ARIH2: variants seen among roughly 807,000 people sequenced by gnomAD.
The protein encoded by ARIH2 is ariadne RBR E3 ubiquitin protein ligase 2.
Under a neutral mutation model 79.8 loss-of-function variants are expected in ARIH2, and 12 were observed. That is an observed-to-expected ratio of 0.15 (90% CI 0.10 to 0.24). The LOEUF (loss-of-function observed/expected upper bound fraction) is 0.24, where lower values mean the gene tolerates loss of function less well. Ranked by LOEUF, ARIH2 falls within the 10% of genes least tolerant of loss-of-function variation. The probability of loss-of-function intolerance (pLI) is 1.00; values close to 1 mark genes in which losing one functional copy is unlikely to be tolerated. For synonymous variants in ARIH2, 224 were observed against 213.9 expected, an observed-to-expected ratio of 1.05 and a Z score of -0.41; for missense variants, 301 against 618.3, an observed-to-expected ratio of 0.49 and a Z score of 5.44.
rs970975814 is a variant in ARIH2, at chr3:48,983,572, A to G, written c.*302A>G. On this transcript the variant is annotated 3_prime_UTR_variant, in exon 16 of 16. Transcript: ENST00000356401. ...GCTATTAATAGTATTAGATCATTAC[A>G]ACTTATGTAACTTTCAAAGGTTGTA... 3 of 312,718 alleles carry G rather than the reference A, an allele frequency of 9.6e-6. No individual in the cohort carries two copies. Among genetic ancestry groups the G allele is most frequent in the Non-Finnish European group, 1.8e-5 (3 of 170,636 alleles). The allele number at this position is 312,718 out of a possible 1,614,324, so 19.4% of individuals were successfully genotyped here.
chr3:48,982,572 T>C, intron 14 of ARIH2: 1 of 239,282 alleles, frequency 4.2e-6, no homozygotes, highest in Non-Finnish European at 8.0e-6. Flanking sequence ...AGAATATTCA[T>C]TTGACTTATT....
At chr3:48,929,262 T>C (rs1286902781) in intron 3 of ARIH2, among the ~76,000 whole-genome samples, 2 of 152,170 alleles carry the variant, frequency 1.3e-5, no homozygotes, top group East Asian at 3.8e-4. Flanking sequence ...GTCAAGCCTC[T>C]GTGCTGGCTT....
At position 48,983,397 on chromosome 3, in the gene ARIH2, A is replaced by C. The variant is rs1166679330; in HGVS notation, c.*127A>C. The C allele has an allele frequency of 1.2e-6, 1 of 813,544 alleles. No individual in the cohort carries two copies. The highest frequency in any genetic ancestry group is 2.1e-6 in the Non-Finnish European group (1 of 478,266). The allele number at this position is 813,544 out of a possible 1,614,324, so 50.4% of individuals were successfully genotyped here. On this transcript the variant is annotated 3_prime_UTR_variant, in exon 16 of 16. Transcript: ENST00000356401. ...AGCCAGGGCCCCACTCCTGAGAGACACTGGCAACACCTCTTAGTTGATTTC... is the reference window on the plus strand; with the variant it reads ...AGCCAGGGCCCCACTCCTGAGAGACCCTGGCAACACCTCTTAGTTGATTTC...
rs754272597 is a variant in ARIH2 at position 48,973,729 on chromosome 3, C to G, written c.801C>G (p.Pro267=). The change falls in exon 9 of 16, where the codon CCC becomes CCG. Residue 267 remains proline, a synonymous_variant. Transcript: ENST00000356401. The part of the protein sequence containing the change: ...CFKCRQMYHA[P]TDCATIRKWL... ...AGTGTCGTCAGATGTATCACGCACCCACAGACTGTGCCACAATCCGGAAAT... is the reference window on the plus strand; with the variant it reads ...AGTGTCGTCAGATGTATCACGCACCGACAGACTGTGCCACAATCCGGAAAT... 6.2e-7 allele frequency: 1 copy of G among 1,614,136 alleles called. No individual in the cohort carries two copies. Among genetic ancestry groups the G allele is most frequent in the East Asian group, 2.2e-5 (1 of 44,886 alleles).
chr3:48,934,828 T>G (rs2086893212), intron 3 of ARIH2: 4 of 985,406 alleles, frequency 4.1e-6, no homozygotes, highest in Non-Finnish European at 4.8e-6. Flanking sequence ...CAAAACATGC[T>G]CATCATCTTC....
chr3:48,965,747 G>C (rs1463416811), intron 5 of ARIH2, among the ~76,000 whole-genome samples: 1 of 152,190 alleles, frequency 6.6e-6, no homozygotes, highest in African/African-American at 2.4e-5. Flanking sequence ...GATCACTTGA[G>C]GTCAGGAGCT....
chr3:48,927,034 G>A (rs958710683), intron 2 of ARIH2: 9 of 158,916 alleles, frequency 5.7e-5, no homozygotes, highest in Admixed American at 5.2e-4. Flanking sequence ...TCCTATTTAT[G>A]TACTGTCTGT....
At chr3:48,921,938 G>A (rs2084889561) in intron 1 of ARIH2, among the ~76,000 whole-genome samples, 1 of 151,978 alleles carries the variant, frequency 6.6e-6, no homozygotes, top group Non-Finnish European at 1.5e-5. Context: ...ACATAAATGA[G>A]CCACGACAGC....
At chr3:48,939,757 C>CAAAAAAAAAAAAAAAAAAAA (rs1190260583) in intron 3 of ARIH2, among the ~76,000 whole-genome samples, 2 of 43,532 alleles carry the variant, frequency 4.6e-5, no homozygotes, top group Admixed American at 2.8e-4. Context: ...GACTCCATCT[C>CAAAAAAAAAAAAAAAAAAAA]AAAAAAAAAA....
At chr3:48,960,782 A>G (rs541042444) in intron 3 of ARIH2, among the ~76,000 whole-genome samples, 114 of 151,608 alleles carry the variant, frequency 7.5e-4, no homozygotes, top group Admixed American at 1.5e-3. Flanking sequence ...AAGTCTTTCT[A>G]TGTTAATAAA....
rs1220021601 is a variant in ARIH2, at chr3:48,967,186, A to C, written c.449A>C (p.Asn150Thr). The change falls in exon 6 of 16, where the codon AAC becomes ACC. Residue 150 changes from asparagine to threonine, a missense_variant. By Grantham distance (65) the Asn-to-Thr change is moderately conservative (BLOSUM62 0). This residue lies in a region of ARIH2 where 223 missense variants were observed against 349.4 expected (regional missense o/e 0.64). Coordinates refer to ENST00000356401, the MANE Select transcript of ARIH2 (RefSeq NM_006321.4). Reference sequence around the variant, plus strand: ...TGTATGCAGTTTGTGCGAAAGGAAAACCTACTCTCTCTGGCCTGTCAGCAC... The same window carrying C: ...TGTATGCAGTTTGTGCGAAAGGAAACCCTACTCTCTCTGGCCTGTCAGCAC... ...AVCMQFVRKE[N>T]LLSLACQHQF... 1 of 1,613,742 alleles carries C rather than the reference A, an allele frequency of 6.2e-7. No homozygotes were observed.
chr3:48,927,455 C>G lies in ARIH2; in HGVS notation c.-97-7C>G. The G allele has an allele frequency of 7.1e-7, 1 of 1,407,260 alleles. No homozygotes were observed. Among genetic ancestry groups the G allele is most frequent in the Non-Finnish European group, 9.6e-7 (1 of 1,037,956 alleles). The allele number at this position is 1,407,260 out of a possible 1,614,324, so 87.2% of individuals were successfully genotyped here. A position where few individuals can be genotyped will look rare whatever the true frequency, so the allele number is the denominator to read the frequency against. ...AAGTAACACTTATTTTTTTTTTCCT[C>G]CCTTAGAAGACAAAAATACTAATGC... On this transcript the variant is annotated splice_region_variant and splice_polypyrimidine_tract_variant and intron_variant, in intron 2 of 15. Transcript: ENST00000356401.
intron 11 of ARIH2, among the ~76,000 whole-genome samples, chr3:48,978,698 G>A (rs1235793064): frequency 6.6e-6 from 1 of 151,650 alleles, no homozygotes; most frequent in African/African-American, 2.4e-5. Flanking sequence ...AGTGGCTCAC[G>A]CCTATAATCC....
chr3:48,927,329 C>T, intron 2 of ARIH2, 133 bp from the exon 3 acceptor site: 1 of 509,576 alleles, frequency 2.0e-6, no homozygotes, highest in South Asian at 2.3e-5. Flanking sequence ...GTAAGATTCC[C>T]CATGTGATAC....
intron 11 of ARIH2, among the ~76,000 whole-genome samples, chr3:48,976,252 C>T (rs930003089): frequency 2.7e-5 from 4 of 148,944 alleles, no homozygotes; most frequent in African/African-American, 5.0e-5. Flanking sequence ...CTGCTCTTGT[C>T]GCTCAGGCTG....
chr3:48,942,967 T>A (rs2088548750), intron 3 of ARIH2, among the ~76,000 whole-genome samples: 1 of 151,822 alleles, frequency 6.6e-6, no homozygotes, highest in Non-Finnish European at 1.5e-5. Context: ...TTTGTATTTA[T>A]GGGGTTTCAC....
At chr3:48,978,340 C>T (rs1264390782) in intron 11 of ARIH2, among the ~76,000 whole-genome samples, 1 of 150,604 alleles carries the variant, frequency 6.6e-6, no homozygotes, top group East Asian at 1.9e-4. Context: ...ACAACCTCCG[C>T]CCTACAGGTT....
At chr3:48,954,524 A>C (rs2107448602) in intron 3 of ARIH2, among the ~76,000 whole-genome samples, 1 of 152,164 alleles carries the variant, frequency 6.6e-6, no homozygotes, top group South Asian at 2.1e-4. Flanking sequence ...TAATCCTGCC[A>C]CCTTGGCATC....
In ARIH2 at chr3:48,983,357, A is replaced by G; in HGVS notation, c.*87A>G. On this transcript the variant is annotated 3_prime_UTR_variant, in exon 16 of 16. Coordinates refer to ENST00000356401, the MANE Select transcript of ARIH2 (RefSeq NM_006321.4). ...CTGCATGCTGCAGGCTCTGCCTTTC[A>G]TGACCCCAGGCAACAGCCAGGGCCC... 1 of 1,387,276 alleles carries G rather than the reference A, an allele frequency of 7.2e-7. No individual in the cohort carries two copies. Among genetic ancestry groups the G allele is most frequent in the East Asian group, 2.3e-5 (1 of 43,848 alleles). The allele number at this position is 1,387,276 out of a possible 1,614,324, so 85.9% of individuals were successfully genotyped here.
Sources: gnomAD v4.1 joint callset for allele counts (sites outside exome capture counted in the v4.1 genomes callset) on GRCh38, gnomAD v4.1.1 for gene constraint, gnomAD v4.1.1 regional missense constraint, MANE v1.5 for transcripts, NCBI Gene and HGNC (gene_info 2026-07-23, HGNC 2026-07-21) for gene names.